The following TMEM131L variants were observed in gnomAD, a reference collection of about 807,000 sequenced individuals.
TMEM131L encodes transmembrane 131 like.
Under a neutral mutation model 192.2 loss-of-function variants are expected in TMEM131L, and 54 were observed. That is an observed-to-expected ratio of 0.28 (90% CI 0.23 to 0.35). The LOEUF is 0.35. TMEM131L is among the 10% of genes least tolerant of loss of function. TMEM131L has a pLI of 1.00. For synonymous variants in TMEM131L, 701 were observed against 704.9 expected (o/e 0.99, Z 0.09); for missense variants, 1,888 against 1,972.9 (o/e 0.96, Z 0.82).
chr4:153,584,861 A>G lies in TMEM131L; in HGVS notation c.1087A>G (p.Ile363Val). ...AGCTACATCATGTGACAGTGGAATT[A>G]TAGAAGATGTGAAGAAAACAACACA... is the stretch of plus-strand genomic sequence containing the variant. The part of the protein sequence containing the change: ...KAATSCDSGI[I>V]EDVKKTTHTP... Residue 363 changes from isoleucine (I) to valine (V), a missense_variant, in exon 12 of 35, where the codon ATA (isoleucine) becomes GTA (valine). Physicochemically the swap from Ile to Val is conservative, Grantham distance 29. Coordinates refer to ENST00000409959, the MANE Select transcript of TMEM131L (RefSeq NM_001131007.2). The G allele has an allele frequency of 1.9e-6, 3 of 1,614,036 alleles. 1 individual carries two copies. The highest frequency in any genetic ancestry group is 2.5e-6 in the Non-Finnish European group (3 of 1,179,844).
chr4:153,560,566 C>A (rs992719535), intron 7 of TMEM131L, among the ~76,000 whole-genome samples: 1 of 152,198 alleles, frequency 6.6e-6, no homozygotes, highest in African/African-American at 2.4e-5. Flanking sequence ...AGTTGTGCAG[C>A]CCTCACGATC....
At chr4:153,563,199 G>C (rs1314071467) in intron 7 of TMEM131L, among the ~76,000 whole-genome samples, 1 of 152,198 alleles carries the variant, frequency 6.6e-6, no homozygotes. Context: ...GTGAAATGCT[G>C]ATCAGAGAAG....
chr4:153,502,979 T>TA (rs1267984402), intron 3 of TMEM131L, among the ~76,000 whole-genome samples: 1 of 151,838 alleles, frequency 6.6e-6, no homozygotes, highest in African/African-American at 2.4e-5. Flanking sequence ...TCATCTTTTT[T>TA]TTTTCCTCTA....
chr4:153,480,326 G>C (rs1378899934), intron 3 of TMEM131L, among the ~76,000 whole-genome samples: 1 of 151,902 alleles, frequency 6.6e-6, no homozygotes, highest in South Asian at 2.1e-4. Context: ...GCGACAGAGC[G>C]AGACTCCGTC....
intron 10 of TMEM131L, 82 bp downstream of exon 10, chr4:153,583,330 C>T: frequency 1.2e-6 from 1 of 847,994 alleles, no homozygotes; most frequent in Non-Finnish European, 2.0e-6. Flanking sequence ...TTTTCAGGAA[C>T]AGAGACAGAA....
intron 3 of TMEM131L, 26 bp downstream of exon 3, chr4:153,473,914 C>T: frequency 6.5e-7 from 1 of 1,528,110 alleles, no homozygotes; most frequent in South Asian, 1.2e-5. Context: ...GGGTGGAAAC[C>T]TGCATGCTGA....
intron 3 of TMEM131L, among the ~76,000 whole-genome samples, chr4:153,476,378 G>A (rs1731537215): frequency 6.6e-6 from 1 of 152,150 alleles, no homozygotes; most frequent in Non-Finnish European, 1.5e-5. Flanking sequence ...AGAAGGCTTT[G>A]AACATAACTA....
Position 153,635,482 on chromosome 4 carries a change from G to C in TMEM131L, c.4468G>C (p.Asp1490His). 6.2e-7 allele frequency: 1 copy of C among 1,614,062 alleles called. No individual in the cohort carries two copies. The highest frequency in any genetic ancestry group is 8.5e-7 in the Non-Finnish European group (1 of 1,179,912). ...GFPCPADVQTDFIDHNSQSTW... is the reference protein window; with the variant it reads ...GFPCPADVQTHFIDHNSQSTW... ...CCCCTGTCCTGCAGATGTTCAGACA[G>C]ACTTTATTGATCACAACTCTCAGTC... The change falls in exon 34 of 35, where the codon GAC becomes CAC. Residue 1490 changes from aspartate to histidine, a missense_variant. Transcript: ENST00000409959.
chr4:153,512,487 A>G (rs181016893), intron 3 of TMEM131L, among the ~76,000 whole-genome samples: 6 of 152,342 alleles, frequency 3.9e-5, no homozygotes, highest in Middle Eastern at 3.4e-3. Flanking sequence ...ACATTTTAAC[A>G]GAAAAGAATA....
intron 28 of TMEM131L, among the ~76,000 whole-genome samples, chr4:153,622,077 C>T (rs1041975358): frequency 5.3e-5 from 8 of 152,160 alleles, no homozygotes; most frequent in East Asian, 3.8e-4. Context: ...TCTGGCCAGT[C>T]GCAACTATCC....
chr4:153,496,398 C>A (rs759278771), intron 3 of TMEM131L, among the ~76,000 whole-genome samples: 12 of 152,164 alleles, frequency 7.9e-5, no homozygotes, highest in Non-Finnish European at 1.8e-4. Context: ...AGGACCACCC[C>A]CCTCATGTCA....
intron 3 of TMEM131L, among the ~76,000 whole-genome samples, chr4:153,540,979 G>A (rs547785015): frequency 1.1e-4 from 16 of 152,110 alleles, no homozygotes; most frequent in Non-Finnish European, 1.5e-4. Flanking sequence ...CTGAATGTTC[G>A]TGCTAACTTG....
At chr4:153,632,494 T>A in intron 31 of TMEM131L, 1 of 520,112 alleles carries the variant, frequency 1.9e-6, no homozygotes, top group Admixed American at 3.5e-5. Flanking sequence ...GTGAGTCTCA[T>A]CTTGTCATCC....
At chr4:153,603,213 A>T (rs767844454) in intron 23 of TMEM131L, 90 bp from the exon 24 acceptor site, 2 of 1,126,060 alleles carry the variant, frequency 1.8e-6, no homozygotes, top group Non-Finnish European at 2.5e-6. Flanking sequence ...TGTTTTTCGT[A>T]AATCATTCCC....
chr4:153,618,189 A>G (rs1387118503), intron 26 of TMEM131L, among the ~76,000 whole-genome samples: 3 of 152,160 alleles, frequency 2.0e-5, no homozygotes, highest in African/African-American at 7.2e-5. Context: ...CTGTGAAATC[A>G]TCACCTCTAT....
At chr4:153,581,603 C>G in intron 9 of TMEM131L, 43 bp downstream of exon 9, 1 of 1,330,132 alleles carries the variant, frequency 7.5e-7, no homozygotes, top group South Asian at 1.6e-5. Context: ...TTTCATCAGT[C>G]TGCATCATCA....
At chr4:153,564,705 C>T (rs1729079210) in intron 7 of TMEM131L, among the ~76,000 whole-genome samples, 1 of 152,144 alleles carries the variant, frequency 6.6e-6, no homozygotes, top group South Asian at 2.1e-4. Flanking sequence ...ACTTGGTTTT[C>T]TTCCAGTCAT....
intron 31 of TMEM131L, among the ~76,000 whole-genome samples, chr4:153,629,024 C>G (rs72952883): frequency 1.8e-4 from 27 of 152,134 alleles, no homozygotes; most frequent in African/African-American, 6.3e-4. Context: ...TCCATTGTTA[C>G]AGTCATTTCC....
At chr4:153,573,006 A>C (rs1254666241) in intron 7 of TMEM131L, among the ~76,000 whole-genome samples, 1 of 152,238 alleles carries the variant, frequency 6.6e-6, no homozygotes. Flanking sequence ...AATGTCTTCA[A>C]GGTTCTCCCA....
Sources: allele counts gnomAD v4.1 joint callset (sites outside exome capture counted in the v4.1 genomes callset), GRCh38; gene constraint gnomAD v4.1.1; transcripts MANE v1.5; gene names NCBI Gene and HGNC (gene_info 2026-07-23, HGNC 2026-07-21).